The following ARSG variants were observed in gnomAD, a reference collection of about 807,000 sequenced individuals.
ARSG encodes the protein ASG.
ARSG carries 37 observed loss-of-function variants against 50.5 expected under a neutral mutation model. The observed-to-expected ratio is 0.73, with a 90% CI of 0.56 to 0.96. The LOEUF (loss-of-function observed/expected upper bound fraction) is 0.96, where lower values mean the gene tolerates loss of function less well. ARSG is among the 50% of genes least tolerant of loss of function. The pLI is 0.00. For synonymous variants in ARSG, 225 were observed against 254.6 expected (o/e 0.88, Z 1.11); for missense variants, 629 against 675.3 (o/e 0.93, Z 0.76).
intron 1 of ARSG, among the ~76,000 whole-genome samples, chr17:68,306,261 C>G (rs577290261): frequency 4.6e-5 from 7 of 152,212 alleles, no homozygotes; most frequent in Non-Finnish European, 1.0e-4. Context: ...CTTGACCTCC[C>G]AAAGTGCTGG....
At chr17:68,268,021 A>G (rs559782335) in intron 1 of ARSG, 1 of 152,352 alleles carries the variant, frequency 6.6e-6, no homozygotes, top group Admixed American at 6.5e-5. Context: ...TGATAAAACA[A>G]ATTAGTTTTG....
chr17:68,259,921 A>C (rs2075047052), intron 1 of ARSG, among the ~76,000 whole-genome samples: 1 of 152,162 alleles, frequency 6.6e-6, no homozygotes, highest in East Asian at 1.9e-4. Context: ...AGGTCATGTA[A>C]ATCTTCTGTC....
At chr17:68,445,761 T>C in the ARSG span, among the ~76,000 whole-genome samples, 1 of 152,092 alleles carries the variant, frequency 6.6e-6, no homozygotes, top group Non-Finnish European at 1.5e-5. Flanking sequence ...GGTGAGGAGG[T>C]GTCAGGAAGG....
At chr17:68,365,948 T>A (rs8072918) in intron 6 of ARSG, among the ~76,000 whole-genome samples, 6,302 of 152,232 alleles carry the variant, frequency 0.041, 463 homozygotes, top group African/African-American at 0.15. Context: ...TTAATTTATT[T>A]TTTTTTTGAG....
chr17:68,278,436 T>G (rs2075593520), intron 1 of ARSG: 1 of 655,388 alleles, frequency 1.5e-6, no homozygotes, highest in South Asian at 2.0e-5. Context: ...ATTTCTTAAG[T>G]TGTTGAATAT....
intron 11 of ARSG, among the ~76,000 whole-genome samples, chr17:68,402,802 G>A (rs1410155763): frequency 6.6e-6 from 1 of 152,208 alleles, no homozygotes; most frequent in Non-Finnish European, 1.5e-5. Context: ...TGGGATTACA[G>A]GCATGAGCCA....
intron 11 of ARSG, among the ~76,000 whole-genome samples, chr17:68,415,243 A>G (rs1179186733): frequency 6.6e-6 from 1 of 152,170 alleles, no homozygotes; most frequent in Non-Finnish European, 1.5e-5. Flanking sequence ...CAGTTTGAAG[A>G]ACTTTTAAAT....
the ARSG span, among the ~76,000 whole-genome samples, chr17:68,444,023 G>A: frequency 1.3e-5 from 2 of 152,056 alleles, no homozygotes; most frequent in African/African-American, 4.8e-5. Flanking sequence ...GCATATCGTC[G>A]AAGTAGAGAG....
downstream of ARSG, chr17:68,427,283 G>A: frequency 1.3e-6 from 2 of 1,549,672 alleles, no homozygotes; most frequent in Admixed American, 1.7e-5. Context: ...GGAGGTGAAA[G>A]AAAAAAGAAA....
chr17:68,450,904 G>A, the ARSG span: 8 of 1,610,054 alleles, frequency 5.0e-6, no homozygotes, highest in Non-Finnish European at 5.9e-6. Flanking sequence ...TCATCTGGGA[G>A]GAAAAGCAGC....
intron 9 of ARSG, among the ~76,000 whole-genome samples, chr17:68,392,779 C>T (rs537026506): frequency 6.6e-6 from 1 of 152,336 alleles, no homozygotes; most frequent in South Asian, 2.1e-4. Flanking sequence ...GGATTACAGG[C>T]GTGAGGCACC....
intron 2 of ARSG, among the ~76,000 whole-genome samples, chr17:68,334,774 G>C (rs1014081461): frequency 2.0e-5 from 3 of 152,136 alleles, no homozygotes; most frequent in Non-Finnish European, 4.4e-5. Context: ...TGGTCTCTGG[G>C]TGGTTCAGCT....
chr17:68,341,337 G>A (rs2078260320), intron 2 of ARSG, among the ~76,000 whole-genome samples: 1 of 152,262 alleles, frequency 6.6e-6, no homozygotes, highest in Non-Finnish European at 1.5e-5. Flanking sequence ...CGTTTACAAG[G>A]TACGAAAGTC....
chr17:68,260,513 G>T (rs1226902612), intron 1 of ARSG, among the ~76,000 whole-genome samples: 4 of 152,080 alleles, frequency 2.6e-5, no homozygotes, highest in African/African-American at 9.7e-5. Context: ...TTTGAAATAG[G>T]GTCTTGCTCT....
intron 8 of ARSG, among the ~76,000 whole-genome samples, chr17:68,373,101 C>T (rs148483431): frequency 0.014 from 2,049 of 151,594 alleles, 46 homozygotes; most frequent in African/African-American, 0.047. Flanking sequence ...TTAGTAGAGA[C>T]GGGGTTTCAC....
chr17:68,368,173 G>A (rs1003136347), intron 6 of ARSG, among the ~76,000 whole-genome samples: 2 of 152,182 alleles, frequency 1.3e-5, no homozygotes, highest in Admixed American at 6.5e-5. Context: ...AGACTTTACA[G>A]TGTGGCAGTT....
the ARSG span, among the ~76,000 whole-genome samples, chr17:68,442,767 G>A: frequency 1.3e-5 from 2 of 152,080 alleles, no homozygotes; most frequent in Admixed American, 6.6e-5. Context: ...AACTGTGTCC[G>A]CACCCCAGAG....
chr17:68,268,901 C>CA (rs879950263), intron 1 of ARSG: 27,455 of 972,798 alleles, frequency 0.028, 213 homozygotes, highest in African/African-American at 0.12. Flanking sequence ...TAAAAACAAG[C>CA]AAAAAAAAAA....
chr17:68,352,181 G>A (rs1393972396), intron 5 of ARSG, among the ~76,000 whole-genome samples: 1 of 150,230 alleles, frequency 6.7e-6, no homozygotes, highest in South Asian at 2.1e-4. Context: ...GAGAGAGAGA[G>A]AGACAGAGAC....
Sources: allele counts gnomAD v4.1 joint callset (sites outside exome capture counted in the v4.1 genomes callset), GRCh38; gene constraint gnomAD v4.1.1; transcripts MANE v1.5; gene names NCBI Gene and HGNC (gene_info 2026-07-23, HGNC 2026-07-21).